Variants in LANCL3 observed in about 807,000 individuals in gnomAD.
The protein encoded by LANCL3 is lanC-like protein 3.
In LANCL3, 19 loss-of-function variants were observed where a neutral mutation model predicts 26.5. The observed-to-expected ratio is 0.72, with a 90% confidence interval of 0.50 to 1.05. LANCL3 has a LOEUF of 1.05. Among genes scored for constraint, LANCL3 ranks in the 50% least tolerant of loss-of-function variants. The pLI, the probability that LANCL3 is intolerant of heterozygous loss-of-function variation, is 0.00. For missense variants in LANCL3, 318 were observed against 362.7 expected (o/e 0.88, Z 1.00); for synonymous variants, 160 against 166.6 (o/e 0.96, Z 0.30).
intron 1 of LANCL3, among the ~76,000 whole-genome samples, chrX:37,584,819 T>A (rs1273249343): frequency 8.9e-6 from 1 of 111,973 alleles, no homozygotes; most frequent in Non-Finnish European, 1.9e-5. Flanking sequence ...TGATCTTAGT[T>A]ATTTCTTGCC....
At chrX:37,654,542 T>C (rs1926236076) in intron 1 of LANCL3, among the ~76,000 whole-genome samples, 1 of 112,283 alleles carries the variant, frequency 8.9e-6, no homozygotes, top group Non-Finnish European at 1.9e-5. Context: ...AGGTTCTGTC[T>C]ATCTTGCTCA....
intron 3 of LANCL3, among the ~76,000 whole-genome samples, chrX:37,666,936 C>A (rs1926559828): frequency 8.9e-6 from 1 of 112,152 alleles, no homozygotes; most frequent in African/African-American, 3.2e-5. Flanking sequence ...TAAATATTAA[C>A]CCATTTGTAA....
At chrX:37,574,772 C>T (rs782065844) in intron 1 of LANCL3, among the ~76,000 whole-genome samples, 1 of 110,725 alleles carries the variant, frequency 9.0e-6, no homozygotes, top group South Asian at 3.9e-4. Context: ...TCTTCAACCA[C>T]ACTGGCCATC....
chrX:37,607,609 A>G (rs1345354627), intron 1 of LANCL3, among the ~76,000 whole-genome samples: 2 of 112,776 alleles, frequency 1.8e-5, no homozygotes, highest in Non-Finnish European at 3.7e-5. Context: ...TAAATCTTTC[A>G]TAACATTTGT....
At chrX:37,659,974 A>C (rs73631192) in intron 3 of LANCL3, among the ~76,000 whole-genome samples, 3,672 of 111,571 alleles carry the variant, frequency 0.033, 152 homozygotes, top group African/African-American at 0.11. Flanking sequence ...AAATCAGGCA[A>C]ATTAATTTTA....
At chrX:37,598,806 T>C (rs1556419733) in intron 1 of LANCL3, among the ~76,000 whole-genome samples, 2 of 112,086 alleles carry the variant, frequency 1.8e-5, no homozygotes, top group Non-Finnish European at 3.8e-5. Context: ...TCAAAAGCAG[T>C]AGTGATGCAG....
Position 37,682,209 on chromosome X carries a change from T to A in LANCL3, c.*6396T>A, listed in dbSNP as rs1556438788. Reference sequence around the variant, plus strand: ...GCTCCGCCTCCCGGGTTCACGCCATTCTCCTGCCTCAGCCTCCCAAGTAGC... The same window carrying A: ...GCTCCGCCTCCCGGGTTCACGCCATACTCCTGCCTCAGCCTCCCAAGTAGC... On this transcript the variant is annotated 3_prime_UTR_variant, in exon 5 of 5. Coordinates refer to ENST00000378619, the MANE Select transcript of LANCL3 (RefSeq NM_001170331.2). The A allele has an allele frequency of 9.5e-6, 1 of 105,183 alleles. No homozygotes were observed. The highest frequency in any genetic ancestry group is 2.0e-5 in the Non-Finnish European group (1 of 50,657). The allele number at this position is 105,183 out of a possible 1,213,427, so 8.7% of individuals were successfully genotyped here.
At chrX:37,659,311 G>A (rs1556431982) in intron 2 of LANCL3, 151 bp from the exon 3 acceptor site, 1 of 459,384 alleles carries the variant, frequency 2.2e-6, no homozygotes, top group African/African-American at 2.4e-5. Context: ...TTTGCTAGAA[G>A]CCTAGTTCTT....
At chrX:37,587,110 G>A (rs1924114430) in intron 1 of LANCL3, among the ~76,000 whole-genome samples, 4 of 112,700 alleles carry the variant, frequency 3.5e-5, no homozygotes, top group South Asian at 3.7e-4. Context: ...GCAGAACAGC[G>A]AATATTGCTG....
At chrX:37,670,579 C>T (rs782593493) in intron 4 of LANCL3, among the ~76,000 whole-genome samples, 1 of 110,341 alleles carries the variant, frequency 9.1e-6, no homozygotes, top group South Asian at 3.9e-4. Flanking sequence ...ACCAGTTACC[C>T]CCATGATTTG....
chrX:37,659,585 G>A lies in LANCL3; in HGVS notation c.821G>A (p.Cys274Tyr), dbSNP rs566930874. The change falls in exon 3 of 5, where the codon TGC becomes TAC. Residue 274 changes from cysteine to tyrosine, a missense_variant. By Grantham distance (194) the Cys-to-Tyr change is radical. Transcript: ENST00000378619. Reference sequence around the variant, plus strand: ...TTTCTCATGGAACAGGAACAAAACTGCAACTGGCCACCTGAGCTCGGCGAG... The same window carrying A: ...TTTCTCATGGAACAGGAACAAAACTACAACTGGCCACCTGAGCTCGGCGAG... ...VDFLMEQEQN[C>Y]NWPPELGETI... is the part of the protein sequence containing the mutation. 1,265 of 1,208,437 alleles carry A rather than the reference G, an allele frequency of 1.0e-3. 14 individuals are homozygous for A. The South Asian group carries it at 0.021, about 20-fold the overall frequency.
At chrX:37,666,752 TC>T (rs1171738168) in intron 3 of LANCL3, among the ~76,000 whole-genome samples, 3 of 112,101 alleles carry the variant, frequency 2.7e-5, no homozygotes, top group Non-Finnish European at 1.9e-5. Flanking sequence ...CTTGGCAAGA[TC>T]CTTCTGGAGC....
In LANCL3 at chrX:37,572,264, A is replaced by C; in HGVS notation, c.394A>C (p.Thr132Pro). 5 of 1,150,524 alleles carry C rather than the reference A, an allele frequency of 4.3e-6. No homozygotes were observed. The highest frequency in any genetic ancestry group is 5.8e-6 in the Non-Finnish European group (5 of 867,546). 94.8% of individuals were successfully genotyped at this position (1,150,524 alleles called of 1,213,427 possible). ...LGGAGVYAVATLVYHALGRSD... is the reference protein window; with the variant it reads ...LGGAGVYAVAPLVYHALGRSD... Reference sequence around the variant, plus strand: ...GGGCGCGGGCGTGTACGCCGTGGCCACGCTCGTATACCACGCCCTGGGCCG... The same window carrying C: ...GGGCGCGGGCGTGTACGCCGTGGCCCCGCTCGTATACCACGCCCTGGGCCG... Residue 132 changes from threonine (T) to proline (P), a missense_variant, in exon 1 of 5, where the codon ACG (threonine) becomes CCG (proline). Transcript: ENST00000378619.
chrX:37,572,638 C>T (rs73470128), intron 1 of LANCL3, among the ~76,000 whole-genome samples, 195 bp downstream of exon 1: 5,011 of 112,138 alleles, frequency 0.045, 284 homozygotes, highest in African/African-American at 0.15. Flanking sequence ...CGTTTTCAGT[C>T]TCTCATTTGT....
chrX:37,632,211 CCTT>C (rs1556424525), intron 1 of LANCL3, among the ~76,000 whole-genome samples: 1 of 111,629 alleles, frequency 9.0e-6, no homozygotes, highest in African/African-American at 3.3e-5. Flanking sequence ...TATGTAATGC[CCTT>C]CTTTGTCTCT....
At chrX:37,585,229 T>TA (rs1293898560) in intron 1 of LANCL3, among the ~76,000 whole-genome samples, 3 of 111,777 alleles carry the variant, frequency 2.7e-5, no homozygotes, top group Non-Finnish European at 5.6e-5. Context: ...TGTGGTCAAT[T>TA]TTGGCATAGG....
chrX:37,584,236 A>G (rs1289039558), intron 1 of LANCL3, among the ~76,000 whole-genome samples: 3 of 109,121 alleles, frequency 2.7e-5, no homozygotes, highest in South Asian at 3.9e-4. Context: ...TTTTTTGAGG[A>G]TTTTTGCCTC....
chrX:37,627,574 C>T (rs1925351275), intron 1 of LANCL3, among the ~76,000 whole-genome samples: 2 of 111,686 alleles, frequency 1.8e-5, no homozygotes, highest in Non-Finnish European at 3.8e-5. Context: ...TGTACTTTAA[C>T]AAGATTGCCA....
intron 1 of LANCL3, among the ~76,000 whole-genome samples, chrX:37,588,904 G>C (rs1924187824): frequency 8.9e-6 from 1 of 111,748 alleles, no homozygotes; most frequent in Admixed American, 9.5e-5. Flanking sequence ...CCATTGCTTT[G>C]CATGGAATGG....
Sources: gnomAD v4.1 joint callset for allele counts (sites outside exome capture counted in the v4.1 genomes callset) on GRCh38, gnomAD v4.1.1 for gene constraint, MANE v1.5 for transcripts, NCBI Gene and HGNC (gene_info 2026-07-23, HGNC 2026-07-21) for gene names.